The following MYH9 variants were observed in gnomAD, a reference collection of about 807,000 sequenced individuals.
MYH9 encodes the protein myosin-9.
MYH9 carries 29 observed loss-of-function variants against 241.9 expected under a neutral mutation model. That is an observed-to-expected ratio of 0.12 (90% CI 0.09 to 0.16). The LOEUF (loss-of-function observed/expected upper bound fraction) is 0.16. MYH9 is among the 10% of genes least tolerant of loss of function. The probability of loss-of-function intolerance (pLI) is 1.00; values close to 1 mark genes in which losing one functional copy is unlikely to be tolerated. For missense variants in MYH9, 1,803 were observed against 2,595.5 expected (o/e 0.69, Z 6.63); for synonymous variants, 1,047 against 1,062.6 (o/e 0.99, Z 0.29).
At chr22:36,343,559 A>AAG (rs1475234447) in intron 2 of MYH9, among the ~76,000 whole-genome samples, 1 of 151,062 alleles carries the variant, frequency 6.6e-6, no homozygotes, top group Non-Finnish European at 1.5e-5. Context: ...AAAAAAAAAA[A>AAG]AAAAAAAAGA....
At chr22:36,310,839 G>A (rs1269739499) in intron 14 of MYH9, among the ~76,000 whole-genome samples, 2 of 152,244 alleles carry the variant, frequency 1.3e-5, no homozygotes, top group African/African-American at 4.8e-5. Context: ...CTGCACTGAT[G>A]AGCGTGTGCG....
chr22:36,302,673 T>A lies in MYH9; in HGVS notation c.2394A>T (p.Ala798=), dbSNP rs150702310. The A allele has an allele frequency of 1.2e-6, 2 of 1,612,920 alleles. No homozygotes were observed. Among genetic ancestry groups the A allele is most frequent in the South Asian group, 1.1e-5 (1 of 91,080 alleles). The change falls in exon 20 of 41, where the codon GCA becomes GCT. Residue 798 remains alanine, a synonymous_variant. Coordinates refer to ENST00000216181, the MANE Select transcript of MYH9 (RefSeq NM_002473.6). ...ACCRGYLARK[A]FAKRQQQLTA... ...TAAGCTGCTGCTGCCGCTTGGCAAA[T>A]GCTCTGTGTGGTGAGGAACATGGTC...
At chr22:36,302,530 G>A (rs979648619) in intron 20 of MYH9, 38 bp downstream of exon 20, 35 of 1,520,674 alleles carry the variant, frequency 2.3e-5, no homozygotes, top group East Asian at 2.3e-4. Flanking sequence ...GTGTGCACCC[G>A]TAGTCCCAGC....
Position 36,306,202 on chromosome 22 carries a change from A to G in MYH9, c.2038-151T>C. On this transcript the variant is annotated intron_variant, in intron 16 of 40. Transcript: ENST00000216181. This position sits in a 1 kb window ranked among gnomAD's most constrained non-coding sequence, Gnocchi z 4.1. Reference sequence around the variant, plus strand: ...TTTGGACAATGAAGTCAAAGGATCCAGGTCTGGGAGGGGCCAATGCCACCA... The same window carrying G: ...TTTGGACAATGAAGTCAAAGGATCCGGGTCTGGGAGGGGCCAATGCCACCA... 1.4e-6 allele frequency: 2 copies of G among 1,384,156 alleles called. No individual in the cohort carries two copies. Among genetic ancestry groups the G allele is most frequent in the Non-Finnish European group, 2.0e-6 (2 of 998,408 alleles). The allele number at this position is 1,384,156 out of a possible 1,614,324, so 85.7% of individuals were successfully genotyped here.
rs1458570211 is a variant in MYH9, at chr22:36,285,616, G to A, written c.5274+42C>T. The A allele has an allele frequency of 6.2e-7, 1 of 1,610,118 alleles. No individual in the cohort carries two copies. Among genetic ancestry groups the A allele is most frequent in the African/African-American group, 1.3e-5 (1 of 74,866 alleles). ...GTCCAAGGCCAGCTCTGCCGTGGTGGCTCCAGCCAGAGCCCAGAGTGGGAG... is the reference window on the plus strand; with the variant it reads ...GTCCAAGGCCAGCTCTGCCGTGGTGACTCCAGCCAGAGCCCAGAGTGGGAG... On this transcript the variant is annotated intron_variant, in intron 37 of 40. Coordinates refer to ENST00000216181, the MANE Select transcript of MYH9 (RefSeq NM_002473.6). The surrounding 1 kb of genome is among the most constrained non-coding windows in gnomAD (Gnocchi z 7.0).
intron 2 of MYH9, among the ~76,000 whole-genome samples, chr22:36,347,328 A>G (rs928800016): frequency 6.6e-6 from 1 of 151,696 alleles, no homozygotes; most frequent in Non-Finnish European, 1.5e-5. Context: ...CTGGCAAGGG[A>G]CCAGCACTAA....
chr22:36,311,909 T>C (rs1189624544), intron 14 of MYH9, 140 bp downstream of exon 14: 13 of 951,402 alleles, frequency 1.4e-5, no homozygotes, highest in Admixed American at 1.9e-5. Flanking sequence ...GCCACATTAC[T>C]GGGTGAGTCA....
chr22:36,286,609 A>G, intron 35 of MYH9, 109 bp downstream of exon 35: 2 of 1,513,720 alleles, frequency 1.3e-6, no homozygotes, highest in Non-Finnish European at 1.8e-6. Context: ...ATCCCCAGCC[A>G]ATTCCTGGAG....
intron 2 of MYH9, 85 bp from the exon 3 acceptor site, chr22:36,341,611 TTCAAA>T: frequency 1.3e-6 from 2 of 1,499,326 alleles, no homozygotes; most frequent in Non-Finnish European, 1.8e-6. Context: ...TATCTGCGGC[TTCAAA>T]GGACCCCTGA....
intron 1 of MYH9, 82 bp from the exon 2 acceptor site, chr22:36,349,337 T>G: frequency 9.9e-7 from 1 of 1,008,062 alleles, no homozygotes; most frequent in Non-Finnish European, 1.5e-6. Context: ...CCTCTTCTCT[T>G]TGCAAACTGT....
At chr22:36,322,382 G>A (rs2017267796) in intron 6 of MYH9, 47 bp downstream of exon 6, 2 of 1,596,116 alleles carry the variant, frequency 1.3e-6, no homozygotes, top group African/African-American at 1.3e-5. Context: ...CAAAGCTCCG[G>A]GCAAGGCCCT....
At chr22:36,302,780 G>A (rs570172575) in intron 19 of MYH9, 104 bp from the exon 20 acceptor site, 10 of 962,948 alleles carry the variant, frequency 1.0e-5, no homozygotes, top group African/African-American at 1.6e-5. Context: ...CCCTTGCCTG[G>A]GGCACCTCAA....
chr22:36,327,381 T>C (rs554474723), intron 4 of MYH9, 80 bp downstream of exon 4: 12 of 1,547,868 alleles, frequency 7.8e-6, no homozygotes, highest in East Asian at 2.3e-5. Flanking sequence ...CAAGCCCCAG[T>C]TGTGGTTTCA....
At chr22:36,380,396 G>A (rs1260088080) in intron 1 of MYH9, among the ~76,000 whole-genome samples, 1 of 152,186 alleles carries the variant, frequency 6.6e-6, no homozygotes, top group Non-Finnish European at 1.5e-5. Context: ...GGAAACTGGG[G>A]ACAGAGTGGG....
chr22:36,355,504 A>C (rs1329571820), intron 1 of MYH9, among the ~76,000 whole-genome samples: 1 of 151,966 alleles, frequency 6.6e-6, no homozygotes, highest in Non-Finnish European at 1.5e-5. Flanking sequence ...TCTTTGGTTG[A>C]AACGTTGAGA....
At position 36,326,756 on chromosome 22, in the gene MYH9, T is replaced by C. The variant is rs574208781; in HGVS notation, c.519-95A>G. ...GCACGCTCCACTGCCTCGCATTCTG[T>C]TGGGTGCCCGTGAAGGACCCAACGT... On this transcript the variant is annotated intron_variant, in intron 4 of 40. Coordinates refer to ENST00000216181, the MANE Select transcript of MYH9 (RefSeq NM_002473.6). 17 of 1,103,498 alleles carry C rather than the reference T, an allele frequency of 1.5e-5. No homozygotes were observed. The African/African-American group carries it at 2.3e-4, about 15-fold the overall frequency. The allele number at this position is 1,103,498 out of a possible 1,614,324, so 68.4% of individuals were successfully genotyped here. A position where few individuals can be genotyped will look rare whatever the true frequency, so the allele number is the denominator to read the frequency against.
chr22:36,345,415 G>A (rs1668724993), intron 2 of MYH9, among the ~76,000 whole-genome samples: 1 of 151,258 alleles, frequency 6.6e-6, no homozygotes, highest in Admixed American at 6.6e-5. Flanking sequence ...GCTGGGATTT[G>A]AACCAGGTCC....
At chr22:36,369,022 GTCC>G (rs906497728) in intron 1 of MYH9, among the ~76,000 whole-genome samples, 9 of 151,972 alleles carry the variant, frequency 5.9e-5, no homozygotes, top group Non-Finnish European at 1.5e-5. Context: ...TACCACGCTG[GTCC>G]TCCAAGGTGT....
At chr22:36,348,180 A>T (rs557621883) in intron 2 of MYH9, among the ~76,000 whole-genome samples, 1 of 150,074 alleles carries the variant, frequency 6.7e-6, no homozygotes, top group African/African-American at 2.4e-5. Context: ...TTAAAAAAGA[A>T]GATTTTTTAA....
Sources: gnomAD v4.1 joint callset for allele counts (sites outside exome capture counted in the v4.1 genomes callset) on GRCh38, gnomAD v4.1.1 for gene constraint, Gnocchi (gnomAD v3.1) non-coding constraint, MANE v1.5 for transcripts, NCBI Gene and HGNC (gene_info 2026-07-23, HGNC 2026-07-21) for gene names.